The following CSMD1 variants were observed in gnomAD, a reference collection of about 807,000 sequenced individuals.
CSMD1 encodes CUB and Sushi multiple domains 1, also known as CUB and sushi domain-containing protein 1.
CSMD1 carries 213 observed loss-of-function variants against 417.5 expected under a neutral mutation model. The ratio of observed to expected loss-of-function variants is 0.51; its 90% confidence interval spans 0.46 to 0.57. The LOEUF is 0.57. Ranked by LOEUF, CSMD1 falls within the 20% of genes least tolerant of loss-of-function variation. The pLI is 0.00. For missense variants in CSMD1, 6,923 were observed against 4,529.7 expected (o/e 1.53, Z -15.17); for synonymous variants, 2,862 against 1,736.8 (o/e 1.65, Z -16.11).
At chr8:3,707,088 T>G (rs1801212362) in intron 7 of CSMD1, among the ~76,000 whole-genome samples, 1 of 152,060 alleles carries the variant, frequency 6.6e-6, no homozygotes, top group African/African-American at 2.4e-5. Context: ...AGGGGACATG[T>G]TTACCTCTCT....
rs190592118 is a variant in CSMD1, at chr8:3,537,525, C to G, written c.1344+37420G>C. Among the ~76,000 whole-genome samples, 128 of 152,276 alleles carry G rather than the reference C, an allele frequency of 8.4e-4. 1 individual carries two copies. The highest frequency in any genetic ancestry group is 7.0e-3 in the South Asian group (34 of 4,828). ...ATTGGTTCATAAATGTTTGGACAAA[C>G]CCCCTAAAAGAATCCTTCTTTTAAA... is the stretch of plus-strand genomic sequence containing the variant. On this transcript the variant is annotated intron_variant, in intron 10 of 69. Transcript: ENST00000635120.
chr8:3,401,195 G>A (rs1384461699), intron 15 of CSMD1, among the ~76,000 whole-genome samples: 1 of 151,784 alleles, frequency 6.6e-6, no homozygotes, highest in African/African-American at 2.4e-5. Flanking sequence ...AAGACATATG[G>A]CAGATGCAGA....
chr8:3,436,174 T>C (rs191940599), intron 12 of CSMD1, among the ~76,000 whole-genome samples: 18 of 152,222 alleles, frequency 1.2e-4, no homozygotes, highest in Non-Finnish European at 2.2e-4. Flanking sequence ...TGGGAGAACA[T>C]CAAGGCTAAG....
chr8:4,441,713 G>T (rs184863625), intron 2 of CSMD1, among the ~76,000 whole-genome samples: 1 of 151,974 alleles, frequency 6.6e-6, no homozygotes. Flanking sequence ...AACGTTTGAG[G>T]TACAGGAGAT....
chr8:3,319,670 G>A (rs899663570), intron 23 of CSMD1, among the ~76,000 whole-genome samples: 1 of 151,944 alleles, frequency 6.6e-6, no homozygotes, highest in Admixed American at 6.6e-5. Flanking sequence ...AGAATTCTCA[G>A]ATTATTTGTT....
At position 3,933,726 on chromosome 8, in the gene CSMD1, A is replaced by G. The variant is rs548974541; in HGVS notation, c.818+64177T>C. Among the ~76,000 whole-genome samples the G allele has an allele frequency of 2.6e-5, 4 of 152,316 alleles. No individual in the cohort carries two copies. The South Asian group carries it at 8.3e-4, about 32-fold the overall frequency. On this transcript the variant is annotated intron_variant, in intron 5 of 69. Coordinates refer to ENST00000635120, the MANE Select transcript of CSMD1 (RefSeq NM_033225.6). Reference sequence around the variant, plus strand: ...TTTTGTATGCAAAATTACGTTCAAAAATCCTAAAGGAGAAATGAGGTGAGA... The same window carrying G: ...TTTTGTATGCAAAATTACGTTCAAAGATCCTAAAGGAGAAATGAGGTGAGA...
chr8:4,090,804 C>A lies in CSMD1; in HGVS notation c.416-58705G>T, dbSNP rs139169584. ...AATTCACTGGTGCGTGGTTAAAGAA[C>A]ATATATTCTTTAAGTCGAATGAAAA... On this transcript the variant is annotated intron_variant, in intron 3 of 69. Transcript: ENST00000635120. Among the ~76,000 whole-genome samples, 700 of 152,154 alleles carry A rather than the reference C, an allele frequency of 4.6e-3. 2 individuals are homozygous for A. The highest frequency in any genetic ancestry group is 7.7e-3 in the Non-Finnish European group (521 of 68,012).
At chr8:4,919,814 G>A (rs1486341432) in intron 1 of CSMD1, among the ~76,000 whole-genome samples, 3 of 152,084 alleles carry the variant, frequency 2.0e-5, no homozygotes, top group African/African-American at 7.2e-5. Context: ...AAAAGGGCAT[G>A]ACCCAGAGTT....
intron 2 of CSMD1, among the ~76,000 whole-genome samples, chr8:4,566,264 G>A (rs1055311267): frequency 6.6e-6 from 1 of 152,024 alleles, no homozygotes; most frequent in African/African-American, 2.4e-5. Context: ...CTGGTACCTG[G>A]CACCATCTAG....
At chr8:3,100,482 G>A (rs185468577) in intron 46 of CSMD1, among the ~76,000 whole-genome samples, 17 of 152,350 alleles carry the variant, frequency 1.1e-4, no homozygotes, top group African/African-American at 3.8e-4. Context: ...AGGGACCGCA[G>A]TGCGGTCCTA....
chr8:4,305,337 G>T (rs536016214), intron 3 of CSMD1, among the ~76,000 whole-genome samples: 4 of 152,266 alleles, frequency 2.6e-5, no homozygotes, highest in South Asian at 2.1e-4. Flanking sequence ...GGCAGCAAGA[G>T]AAGTGAGACC....
chr8:3,742,869 A>G (rs1003409641), intron 6 of CSMD1, among the ~76,000 whole-genome samples: 2 of 152,238 alleles, frequency 1.3e-5, no homozygotes, highest in African/African-American at 4.8e-5. Flanking sequence ...GCGTTTCTAA[A>G]TGTGTTATGA....
At chr8:4,953,050 A>G (rs1808856468) in intron 1 of CSMD1, among the ~76,000 whole-genome samples, 1 of 108,526 alleles carries the variant, frequency 9.2e-6, no homozygotes, top group Non-Finnish European at 1.9e-5. Context: ...TTAATACGTG[A>G]GCAGATGTTA....
chr8:4,732,344 C>CGCGCGTGTGTGT (rs1554461217), intron 1 of CSMD1, among the ~76,000 whole-genome samples: 1 of 141,052 alleles, frequency 7.1e-6, no homozygotes, highest in East Asian at 2.1e-4. Context: ...ATTTCTTCTG[C>CGCGCGTGTGTGT]GTGTGTGTGT....
intron 3 of CSMD1, among the ~76,000 whole-genome samples, chr8:4,194,449 G>C (rs117193183): frequency 1.3e-5 from 2 of 152,112 alleles, no homozygotes; most frequent in Admixed American, 6.6e-5. Flanking sequence ...GGTGACAAAG[G>C]CCTGAATTAC....
At chr8:3,813,419 G>A (rs560412053) in intron 5 of CSMD1, among the ~76,000 whole-genome samples, 1 of 152,122 alleles carries the variant, frequency 6.6e-6, no homozygotes, top group Non-Finnish European at 1.5e-5. Flanking sequence ...CTAGGGGCCT[G>A]TAAAAGAACT....
chr8:4,293,571 G>C (rs1040179977), intron 3 of CSMD1, among the ~76,000 whole-genome samples: 10 of 152,078 alleles, frequency 6.6e-5, no homozygotes, highest in Admixed American at 5.2e-4. Context: ...TTCCAAATTA[G>C]GCACAATAAA....
intron 2 of CSMD1, among the ~76,000 whole-genome samples, chr8:4,448,158 C>G (rs1291592349): frequency 6.6e-6 from 1 of 152,156 alleles, no homozygotes; most frequent in Non-Finnish European, 1.5e-5. Flanking sequence ...CGTATCACCT[C>G]AAGGTGAACA....
In CSMD1 at chr8:2,936,232, T is replaced by A. The variant is rs1265992219; in HGVS notation, c.*2353A>T. 6.6e-6 allele frequency: 1 copy of A among 152,006 alleles called. No individual in the cohort carries two copies. Among genetic ancestry groups the A allele is most frequent in the Non-Finnish European group, 1.5e-5 (1 of 67,988 alleles). The allele number at this position is 152,006 out of a possible 1,614,324, so 9.4% of individuals were successfully genotyped here. A position where few individuals can be genotyped will look rare whatever the true frequency, so the allele number is the denominator to read the frequency against. On this transcript the variant is annotated 3_prime_UTR_variant, in exon 70 of 70. Transcript: ENST00000635120. Reference sequence around the variant, plus strand: ...TTTGATATGTGGTTTCTTGTATGTATGTATGTCCTGTCATTTCAGGATTTC... The same window carrying A: ...TTTGATATGTGGTTTCTTGTATGTAAGTATGTCCTGTCATTTCAGGATTTC...
Sources: gnomAD v4.1 joint callset for allele counts (sites outside exome capture counted in the v4.1 genomes callset) on GRCh38, gnomAD v4.1.1 for gene constraint, MANE v1.5 for transcripts, NCBI Gene and HGNC (gene_info 2026-07-23, HGNC 2026-07-21) for gene names.